Variants in SLC2A9 observed in about 807,000 individuals in gnomAD.
SLC2A9 encodes solute carrier family 2, facilitated glucose transporter member 9.
SLC2A9 carries 39 observed loss-of-function variants against 50.6 expected under a neutral mutation model. The observed-to-expected ratio is 0.77, with a 90% CI of 0.60 to 1.01. The LOEUF (loss-of-function observed/expected upper bound fraction) is 1.01, where lower values mean the gene tolerates loss of function less well. Among genes scored for constraint, SLC2A9 ranks in the 50% least tolerant of loss-of-function variants. The pLI, the probability that SLC2A9 is intolerant of heterozygous loss-of-function variation, is 0.00. For missense variants in SLC2A9, 686 were observed against 677.6 expected (o/e 1.01, Z -0.14); for synonymous variants, 324 against 276.9 (o/e 1.17, Z -1.69).
Position 10,019,027 on chromosome 4 carries a change from C to G in SLC2A9, c.197G>C (p.Gly66Ala), listed in dbSNP as rs1180262515. ...GTTGTAGCCGTAGAGGAAGGAGGAG[C>G]CGAAGGCGCCCGCGAGGGAGGCCAC... ...LLVASLAGAF[G>A]SSFLYGYNLS... Residue 66 changes from glycine to alanine, a missense_variant, in exon 2 of 12, where the codon GGC becomes GCC. Physicochemically the swap from Gly to Ala is moderately conservative, Grantham distance 60. Transcript: ENST00000264784. 2.6e-6 allele frequency: 4 copies of G among 1,550,730 alleles called. No homozygotes were observed. The Admixed American group carries it at 5.9e-5, about 23-fold the overall frequency.
intron 3 of SLC2A9, among the ~76,000 whole-genome samples, chr4:9,780,419 G>C (rs1300722343): frequency 1.3e-5 from 2 of 152,138 alleles, no homozygotes; most frequent in East Asian, 3.9e-4. Context: ...GCCCTCTCCA[G>C]CGGCAAAAAG....
chr4:9,821,981 C>A (rs530047649), downstream of SLC2A9, among the ~76,000 whole-genome samples: 5 of 152,290 alleles, frequency 3.3e-5, no homozygotes, highest in Admixed American at 3.3e-4. Context: ...GAAAATTTAT[C>A]TATTTCATTT....
intron 7 of SLC2A9, among the ~76,000 whole-genome samples, chr4:9,915,351 C>T (rs1742669355): frequency 6.6e-6 from 1 of 152,238 alleles, no homozygotes; most frequent in Non-Finnish European, 1.5e-5. Context: ...GATTCTCCTG[C>T]CTCAGCCTCC....
chr4:9,783,088 A>G lies in SLC2A9; in HGVS notation n.386-3023T>C, dbSNP rs200984113. 9.3e-6 allele frequency: 15 copies of G among 1,613,980 alleles called. No homozygotes were observed. In the East Asian group the frequency reaches 1.3e-4, roughly 14 times the overall value. On this transcript the variant is annotated intron_variant and non_coding_transcript_variant, in intron 3 of 3. Transcript: ENST00000503803. Reference sequence around the variant, plus strand: ...TCTGGTTCGGCTGGGCTAACTCCTCACTCAACCCCGTCATCTATGCCTTCA... The same window carrying G: ...TCTGGTTCGGCTGGGCTAACTCCTCGCTCAACCCCGTCATCTATGCCTTCA...
intron 11 of SLC2A9, among the ~76,000 whole-genome samples, chr4:9,830,194 T>C (rs1725843016): frequency 1.3e-5 from 2 of 152,148 alleles, no homozygotes; most frequent in South Asian, 4.1e-4. Context: ...TAAAAAGGAA[T>C]GAGATCAAGT....
chr4:10,009,950 T>C (rs913988778), intron 2 of SLC2A9, among the ~76,000 whole-genome samples: 2 of 152,236 alleles, frequency 1.3e-5, no homozygotes, highest in African/African-American at 2.4e-5. Flanking sequence ...GTTCTTGGGA[T>C]GTAGCCTGTG....
rs1214715291 is a variant in SLC2A9, at chr4:9,905,752, T to G, written c.1113+2483A>C. Among the ~76,000 whole-genome samples, 3 of 152,256 alleles carry G rather than the reference T, an allele frequency of 2.0e-5. No homozygotes were observed. The East Asian group carries it at 5.8e-4, about 29-fold the overall frequency. On this transcript the variant is annotated intron_variant, in intron 8 of 11. Transcript: ENST00000264784. ...TGTAGCCACTTCCTCAGTGTGCCCC[T>G]CTTTCAAACAATGGCAGTCATTGGA...
chr4:10,008,899 G>GT (rs1761260084), intron 2 of SLC2A9, among the ~76,000 whole-genome samples: 68 of 134,778 alleles, frequency 5.0e-4, no homozygotes, highest in Admixed American at 2.2e-3. Context: ...TCTGTGCGGT[G>GT]GTTTTTTTTT....
At chr4:9,810,607 A>G (rs1722748218) in intron 3 of SLC2A9, among the ~76,000 whole-genome samples, 2 of 152,252 alleles carry the variant, frequency 1.3e-5, no homozygotes, top group South Asian at 2.1e-4. Context: ...CTGCAAAAAT[A>G]GTATCATTAA....
chr4:9,833,928 C>T (rs138811051), intron 11 of SLC2A9, among the ~76,000 whole-genome samples: 38 of 152,248 alleles, frequency 2.5e-4, no homozygotes, highest in Non-Finnish European at 5.1e-4. Flanking sequence ...TGCTTCTGGG[C>T]CCCTTGCTCT....
chr4:9,784,532 G>A (rs1718970183), intron 3 of SLC2A9, among the ~76,000 whole-genome samples: 1 of 152,150 alleles, frequency 6.6e-6, no homozygotes, highest in South Asian at 2.1e-4. Flanking sequence ...TTTCCTTAGT[G>A]GACAATAGCA....
intron 2 of SLC2A9, among the ~76,000 whole-genome samples, chr4:10,012,220 A>G (rs1432565471): frequency 1.3e-5 from 2 of 152,198 alleles, no homozygotes; most frequent in African/African-American, 4.8e-5. Flanking sequence ...AGCCTAGTGG[A>G]ACAGAAAGAA....
At chr4:9,853,855 A>T (rs984795335) in intron 10 of SLC2A9, among the ~76,000 whole-genome samples, 2 of 152,240 alleles carry the variant, frequency 1.3e-5, no homozygotes, top group African/African-American at 4.8e-5. Context: ...TGAAAACCAT[A>T]CAATTACATG....
intron 10 of SLC2A9, among the ~76,000 whole-genome samples, chr4:9,885,340 C>T (rs759448453): frequency 1.3e-5 from 2 of 152,180 alleles, no homozygotes. Flanking sequence ...TGTTCTTTCT[C>T]TGAAAAGAAT....
intron 11 of SLC2A9, among the ~76,000 whole-genome samples, chr4:9,831,996 C>A (rs1336065761): frequency 6.6e-6 from 1 of 152,198 alleles, no homozygotes; most frequent in East Asian, 1.9e-4. Context: ...CAGAAGAAAT[C>A]AACCGTGCTA....
intron 3 of SLC2A9, among the ~76,000 whole-genome samples, chr4:9,819,727 C>T (rs1724144079): frequency 6.6e-6 from 1 of 152,230 alleles, no homozygotes; most frequent in South Asian, 2.1e-4. Flanking sequence ...TGCAGTCAGG[C>T]ATTCAAGACC....
At position 9,792,159 on chromosome 4, in the gene SLC2A9, G is replaced by GTTTTT. The variant is rs1228816556; in HGVS notation, n.386-12095_386-12094insAAAAA. Among the ~76,000 whole-genome samples the GTTTTT allele has an allele frequency of 4.8e-4, 45 of 94,618 alleles. 1 individual carries two copies. Among genetic ancestry groups the GTTTTT allele is most frequent in the African/African-American group, 1.4e-3 (41 of 28,310 alleles). 62.1% of individuals were successfully genotyped at this position (94,618 alleles called of 152,430 possible). On this transcript the variant is annotated intron_variant and non_coding_transcript_variant, in intron 3 of 3. Transcript: ENST00000503803. Reference sequence around the variant, plus strand: ...AACCAGGAGATGTTTTCTATTCTATGTTTCTTTTTTTTTTTTTTTTTTTTT... The same window carrying GTTTTT: ...AACCAGGAGATGTTTTCTATTCTATGTTTTTTTTCTTTTTTTTTTTTTTTTTTTTT...
chr4:10,039,339 T>C (rs140883065), intron 1 of SLC2A9, among the ~76,000 whole-genome samples: 67 of 152,280 alleles, frequency 4.4e-4, no homozygotes, highest in African/African-American at 1.3e-3. Context: ...TGAATGAATG[T>C]CCATCTGTGC....
intron 5 of SLC2A9, among the ~76,000 whole-genome samples, chr4:9,975,955 A>T (rs1365726026): frequency 6.6e-6 from 1 of 152,190 alleles, no homozygotes; most frequent in Non-Finnish European, 1.5e-5. Context: ...AGCAACATAG[A>T]TGGAGCTGGA....
Sources: allele counts gnomAD v4.1 joint callset (sites outside exome capture counted in the v4.1 genomes callset), GRCh38; gene constraint gnomAD v4.1.1; transcripts MANE v1.5; gene names NCBI Gene and HGNC (gene_info 2026-07-23, HGNC 2026-07-21).